Variants in FBXO46 observed in about 807,000 individuals in gnomAD.
The protein encoded by FBXO46 is F-box only protein 46.
A neutral mutation model predicts 30.7 loss-of-function variants in FBXO46; 13 were observed. The observed-to-expected ratio is 0.42, with a 90% CI of 0.28 to 0.67. The LOEUF is 0.67. Among genes scored for constraint, FBXO46 ranks in the 30% least tolerant of loss-of-function variants. The pLI, the probability that FBXO46 is intolerant of heterozygous loss-of-function variation, is 0.21. For synonymous variants in FBXO46, 467 were observed against 385.8 expected (o/e 1.21, Z -2.47); for missense variants, 754 against 871.5 (o/e 0.87, Z 1.70).
In FBXO46 at chr19:45,713,728, G is replaced by C. The variant is rs555896521; in HGVS notation, c.-78-155C>G. Among the ~76,000 whole-genome samples the C allele has an allele frequency of 6.6e-6, 1 of 152,272 alleles. No homozygotes were observed. The highest frequency in any genetic ancestry group is 2.1e-4 in the South Asian group (1 of 4,822). On this transcript the variant is annotated intron_variant, in intron 1 of 1. Coordinates refer to ENST00000317683, the MANE Select transcript of FBXO46 (RefSeq NM_001080469.2). The surrounding 1 kb of genome is among the most constrained non-coding windows in gnomAD (Gnocchi z 4.7). ...CACGCCTGTAATCCCAGCACTTTGG[G>C]AGGCTGAGGTGGGCAGATCACCTGA...
chr19:45,714,374 T>A (rs1253819885), intron 1 of FBXO46: 4 of 151,762 alleles, frequency 2.6e-5, no homozygotes, highest in African/African-American at 9.7e-5. Context: ...AATCGGCTTT[T>A]CTTTTTTTTT....
chr19:45,724,577 T>C (rs1232820297), intron 1 of FBXO46, among the ~76,000 whole-genome samples: 1 of 151,888 alleles, frequency 6.6e-6, no homozygotes, highest in African/African-American at 2.4e-5. Flanking sequence ...GAGGCCGAAG[T>C]GGGAGGATCA....
chr19:45,721,414 C>G (rs951902110), intron 1 of FBXO46, among the ~76,000 whole-genome samples: 1 of 151,334 alleles, frequency 6.6e-6, no homozygotes, highest in Non-Finnish European at 1.5e-5. Flanking sequence ...TCTGACCCCA[C>G]CCCACTTCCC....
intron 1 of FBXO46, among the ~76,000 whole-genome samples, chr19:45,726,890 G>C (rs1305831127): frequency 6.6e-6 from 1 of 152,130 alleles, no homozygotes; most frequent in Non-Finnish European, 1.5e-5. Flanking sequence ...TTTTATATAT[G>C]CCACCTCATC....
At chr19:45,727,947 C>CT (rs934679376) in intron 1 of FBXO46, among the ~76,000 whole-genome samples, 44 of 151,670 alleles carry the variant, frequency 2.9e-4, no homozygotes, top group Non-Finnish European at 3.1e-4. Context: ...TTTCCTTGTT[C>CT]TTTTTTTTTG....
intron 1 of FBXO46, among the ~76,000 whole-genome samples, chr19:45,729,615 G>GT (rs1166140641): frequency 3.3e-5 from 5 of 152,324 alleles, no homozygotes; most frequent in Non-Finnish European, 1.5e-5. Flanking sequence ...GGAATCCTGA[G>GT]TCTAGCAATT....
Position 45,713,321 on chromosome 19 carries a change from C to A in FBXO46, c.175G>T (p.Ala59Ser), listed in dbSNP as rs779427638. The change falls in exon 2 of 2, where the codon GCC (alanine) becomes TCC (serine). Residue 59 changes from alanine (A) to serine (S), a missense_variant. Physicochemically the swap from Ala to Ser is moderately conservative, Grantham distance 99. Transcript: ENST00000317683. The surrounding 1 kb of genome is among the most constrained non-coding windows in gnomAD (Gnocchi z 4.7). Reference protein sequence around the residue: ...GPAHSENTPPALATEVPASQP... With the variant: ...GPAHSENTPPSLATEVPASQP... ...GAGGCAGGGACCTCAGTGGCCAAGG[C>A]GGGTGGTGTGTTCTCTGAGTGGGCA... 1.2e-6 allele frequency: 2 copies of A among 1,613,240 alleles called. No homozygotes were observed. Among genetic ancestry groups the A allele is most frequent in the African/African-American group, 1.3e-5 (1 of 75,050 alleles).
chr19:45,715,943 C>A (rs1968085356), intron 1 of FBXO46: 1 of 152,170 alleles, frequency 6.6e-6, no homozygotes, highest in Non-Finnish European at 1.5e-5. Context: ...ATCCCACCTA[C>A]CCCTCAAATA....
Position 45,713,280 on chromosome 19 carries a change from G to A in FBXO46, c.216C>T (p.Leu72=), listed in dbSNP as rs1568545751. ...CATCACCAGCAGCTGCTGCTGAGAG[G>A]AGCGGAGCCGGCTGGGAGGCAGGGA... ...TEVPASQPAP[L]LSAAAAGDEG... Residue 72 remains leucine (L), a synonymous_variant, in exon 2 of 2, where the codon CTC becomes CTT. Coordinates refer to ENST00000317683, the MANE Select transcript of FBXO46 (RefSeq NM_001080469.2). This position sits in a 1 kb window ranked among gnomAD's most constrained non-coding sequence, Gnocchi z 4.7. The A allele has an allele frequency of 1.9e-6, 3 of 1,613,894 alleles. No individual in the cohort carries two copies. The highest frequency in any genetic ancestry group is 1.3e-5 in the African/African-American group (1 of 75,078).
chr19:45,732,354 T>C (rs902791567), upstream of FBXO46, among the ~76,000 whole-genome samples: 2 of 151,938 alleles, frequency 1.3e-5, no homozygotes, highest in Admixed American at 1.3e-4. Flanking sequence ...CGATTTGAAC[T>C]GAAATGTATT....
At chr19:45,724,042 G>A (rs1186935408) in intron 1 of FBXO46, among the ~76,000 whole-genome samples, 4 of 152,044 alleles carry the variant, frequency 2.6e-5, no homozygotes, top group East Asian at 1.9e-4. Context: ...AAATAAAGAT[G>A]GTAAAAATAC....
At chr19:45,719,968 ATAGCTTTG>A (rs1426910014) in intron 1 of FBXO46, among the ~76,000 whole-genome samples, 3 of 152,210 alleles carry the variant, frequency 2.0e-5, no homozygotes, top group Admixed American at 2.0e-4. Flanking sequence ...GCCCTCATTT[ATAGCTTTG>A]TAGCAGAACT....
chr19:45,727,270 A>C (rs112839777), intron 1 of FBXO46, among the ~76,000 whole-genome samples: 9 of 151,850 alleles, frequency 5.9e-5, no homozygotes, highest in Non-Finnish European at 1.2e-4. Context: ...AAAGAAAAAA[A>C]AAAAGAGGTC....
intron 1 of FBXO46, chr19:45,716,599 A>G (rs546785004): frequency 6.6e-6 from 1 of 152,138 alleles, no homozygotes; most frequent in African/African-American, 2.4e-5. Flanking sequence ...TTATCTCCCA[A>G]TTCCACTAGA....
chr19:45,716,603 C>T (rs1348847616), intron 1 of FBXO46: 1 of 152,038 alleles, frequency 6.6e-6, no homozygotes, highest in African/African-American at 2.4e-5. Context: ...CTCCCAATTC[C>T]ACTAGAAGCC....
Position 45,712,450 on chromosome 19 carries a change from G to A in FBXO46, c.1046C>T (p.Pro349Leu), listed in dbSNP as rs768857149. ...PAPARPEDTP[P>L]APPPPPARDC... ...CCGGGCAGGGGGCGGAGGGGGCGCCGGGGGAGTGTCCTCAGGCCTGGCGGG... is the reference window on the plus strand; with the variant it reads ...CCGGGCAGGGGGCGGAGGGGGCGCCAGGGGAGTGTCCTCAGGCCTGGCGGG... Residue 349 changes from proline (P) to leucine (L), a missense_variant, in exon 2 of 2, where the codon CCG (proline) becomes CTG (leucine). This residue lies in a region of FBXO46 where 454 missense variants were observed against 426.5 expected (regional missense o/e 1.06). Coordinates refer to ENST00000317683, the MANE Select transcript of FBXO46 (RefSeq NM_001080469.2). The surrounding 1 kb of genome is among the most constrained non-coding windows in gnomAD (Gnocchi z 8.8). 31 of 1,610,554 alleles carry A rather than the reference G, an allele frequency of 1.9e-5. No homozygotes were observed. The East Asian group carries it at 4.5e-4, about 23-fold the overall frequency.
At position 45,722,666 on chromosome 19, in the gene FBXO46, G is replaced by T. The variant is rs142576312; in HGVS notation, c.-79+8183C>A. On this transcript the variant is annotated intron_variant, in intron 1 of 1. Coordinates refer to ENST00000317683, the MANE Select transcript of FBXO46 (RefSeq NM_001080469.2). ...AGTCCCAGCTACTCAGGAGGCTGAG[G>T]CAGGAGAATGGCGTGAACCCGGGAG... Among the ~76,000 whole-genome samples, 707 of 152,170 alleles carry T rather than the reference G, an allele frequency of 4.6e-3. 4 individuals are homozygous for T. Among genetic ancestry groups the T allele is most frequent in the African/African-American group, 0.017 (687 of 41,522 alleles).
At chr19:45,718,747 G>A (rs1263432399) in intron 1 of FBXO46, among the ~76,000 whole-genome samples, 2 of 151,714 alleles carry the variant, frequency 1.3e-5, no homozygotes, top group Admixed American at 6.6e-5. Flanking sequence ...CTCCAGGCCT[G>A]AGACAGGATC....
chr19:45,719,969 T>C (rs1198464908), intron 1 of FBXO46, among the ~76,000 whole-genome samples: 1 of 152,218 alleles, frequency 6.6e-6, no homozygotes, highest in Non-Finnish European at 1.5e-5. Flanking sequence ...CCCTCATTTA[T>C]AGCTTTGTAG....
Sources: gnomAD v4.1 joint callset for allele counts (sites outside exome capture counted in the v4.1 genomes callset) on GRCh38, gnomAD v4.1.1 for gene constraint, gnomAD v4.1.1 regional missense constraint, Gnocchi (gnomAD v3.1) non-coding constraint, MANE v1.5 for transcripts, NCBI Gene and HGNC (gene_info 2026-07-23, HGNC 2026-07-21) for gene names.